MAOB: variants seen among roughly 807,000 people sequenced by gnomAD.
MAOB encodes the protein amine oxidase [flavin-containing] B.
MAOB carries 15 observed loss-of-function variants against 41.9 expected under a neutral mutation model. The observed-to-expected ratio is 0.36, with a 90% CI of 0.24 to 0.55. MAOB has a LOEUF of 0.55. Ranked by LOEUF, MAOB falls within the 20% of genes least tolerant of loss-of-function variation. The pLI, the probability that MAOB is intolerant of heterozygous loss-of-function variation, is 0.86. For missense variants in MAOB, 345 were observed against 398.7 expected, an observed-to-expected ratio of 0.87 and a Z score of 1.15; for synonymous variants, 167 against 144.2, an observed-to-expected ratio of 1.16 and a Z score of -1.13.
intron 1 of MAOB, 96 bp from the exon 2 acceptor site, chrX:43,843,860 A>C: frequency 9.0e-7 from 1 of 1,111,107 alleles, no homozygotes; most frequent in Non-Finnish European, 1.2e-6. Flanking sequence ...ATGCTGGCTC[A>C]CGTGCACCGC....
At position 43,767,613 on chromosome X, in the gene MAOB, G is replaced by A; in HGVS notation, c.1416C>T (p.Val472=). Residue 472 remains valine, a synonymous_variant, in exon 15 of 15, where the codon GTC becomes GTT. Coordinates refer to ENST00000378069, the MANE Select transcript of MAOB (RefSeq NM_000898.5). The part of the protein sequence containing the change: ...IWQSEPESVD[V]PAQPITTTFL... Reference sequence around the variant, plus strand: ...AGGTGGTGGTGATGGGCTGTGCAGGGACATCCTAGGTTCAGAAAACATTGG... The same window carrying A: ...AGGTGGTGGTGATGGGCTGTGCAGGAACATCCTAGGTTCAGAAAACATTGG... 2 of 1,206,758 alleles carry A rather than the reference G, an allele frequency of 1.7e-6. No individual in the cohort carries two copies. The highest frequency in any genetic ancestry group is 3.0e-5 in the East Asian group (1 of 33,697).
At chrX:43,821,987 A>T (rs192136475) in intron 3 of MAOB, among the ~76,000 whole-genome samples, 1 of 112,194 alleles carries the variant, frequency 8.9e-6, no homozygotes, top group East Asian at 2.8e-4. Flanking sequence ...AAGCCCCAGG[A>T]GTGTAACAGA....
chrX:43,780,473 T>C, intron 9 of MAOB, 78 bp from the exon 10 acceptor site: 1 of 707,331 alleles, frequency 1.4e-6, no homozygotes, highest in Non-Finnish European at 2.2e-6. Context: ...GCTACACATG[T>C]GCCCAGTTTA....
chrX:43,823,217 G>A, intron 3 of MAOB, among the ~76,000 whole-genome samples: 1 of 90,414 alleles, frequency 1.1e-5, no homozygotes, highest in Admixed American at 1.4e-4. Context: ...CTGTCACCCA[G>A]GCTGGAGTGC....
chrX:43,810,175 G>A (rs902559545), intron 3 of MAOB, among the ~76,000 whole-genome samples: 6 of 96,554 alleles, frequency 6.2e-5, no homozygotes, highest in African/African-American at 1.2e-4. Context: ...CCCAGGAGGC[G>A]GAGCTTGCAG....
At chrX:43,777,691 T>C (rs138309377) in intron 11 of MAOB, among the ~76,000 whole-genome samples, 2 of 112,085 alleles carry the variant, frequency 1.8e-5, no homozygotes, top group African/African-American at 6.5e-5. Context: ...GATTGTGGTA[T>C]ATACTACAGA....
intron 8 of MAOB, among the ~76,000 whole-genome samples, chrX:43,792,098 A>G (rs1451441652): frequency 8.9e-6 from 1 of 112,531 alleles, no homozygotes; most frequent in East Asian, 2.8e-4. Context: ...AGAAAAGATT[A>G]CTCATCTCTT....
intron 6 of MAOB, among the ~76,000 whole-genome samples, chrX:43,796,329 C>T (rs187484800): frequency 4.6e-4 from 51 of 111,492 alleles, no homozygotes; most frequent in Non-Finnish European, 1.3e-4. Context: ...ATGTCCCCTT[C>T]CCCCAGGCCA....
intron 3 of MAOB, among the ~76,000 whole-genome samples, chrX:43,827,811 G>A (rs1325258692): frequency 8.9e-6 from 1 of 111,789 alleles, no homozygotes; most frequent in Non-Finnish European, 1.9e-5. Flanking sequence ...ATATCATTTA[G>A]GTACTTGGAG....
In MAOB at chrX:43,768,418, C is replaced by T. The variant is rs190613123; in HGVS notation, c.1410+236G>A. Among the ~76,000 whole-genome samples, 4 of 110,776 alleles carry T rather than the reference C, an allele frequency of 3.6e-5. No homozygotes were observed. The East Asian group carries it at 1.1e-3, about 31-fold the overall frequency. ...CTCCGAGAAATGTCTCCCTCCTCAT[C>T]AAAAAATATTTTTTCCTAATAATCT... is the stretch of plus-strand genomic sequence containing the variant. On this transcript the variant is annotated intron_variant, in intron 14 of 14. Coordinates refer to ENST00000378069, the MANE Select transcript of MAOB (RefSeq NM_000898.5).
intron 3 of MAOB, among the ~76,000 whole-genome samples, chrX:43,835,170 A>C (rs1463306909): frequency 8.9e-6 from 1 of 112,696 alleles, no homozygotes; most frequent in African/African-American, 3.2e-5. Flanking sequence ...AAGAGAAAGA[A>C]ACATAAGTCA....
In MAOB at chrX:43,780,982, C is replaced by T. The variant is rs767879904; in HGVS notation, c.1025+466G>A. 7.2e-5 allele frequency among the ~76,000 whole-genome samples: 8 copies of T among 111,451 alleles called. No homozygotes were observed. In the South Asian group the frequency reaches 3.1e-3, roughly 43 times the overall value. ...CTCTGGGCCAGGATATCCTGGTCTT[C>T]CCTTCCCACGTGCTGGTCGTCCCTG... On this transcript the variant is annotated intron_variant, in intron 9 of 14. Transcript: ENST00000378069.
intron 8 of MAOB, among the ~76,000 whole-genome samples, chrX:43,785,221 G>A (rs2034384646): frequency 1.8e-5 from 2 of 113,096 alleles, no homozygotes; most frequent in African/African-American, 6.4e-5. Flanking sequence ...AGAACTTCTG[G>A]ATAACTTGCT....
At chrX:43,794,541 T>G (rs1183394028) in intron 7 of MAOB, among the ~76,000 whole-genome samples, 1 of 110,949 alleles carries the variant, frequency 9.0e-6, no homozygotes, top group East Asian at 2.9e-4. Context: ...TCTGTTTTGT[T>G]CACGACTGTG....
In MAOB at chrX:43,882,275, C is replaced by A; in HGVS notation, c.25G>T (p.Val9Leu). The change falls in exon 1 of 15, where the codon GTG becomes TTG. Residue 9 changes from valine (V) to leucine (L), a missense_variant. Physicochemically the swap from Val to Leu is conservative, Grantham distance 32 (BLOSUM62 1). Transcript: ENST00000378069. MSNKCDVV[V>L]VGGGISGMAA... ...TAACCTGAGATGCCGCCCCCCACCA[C>A]GACCACGTCGCATTTGTTGCTCATG... 1 of 1,209,806 alleles carries A rather than the reference C, an allele frequency of 8.3e-7. No individual in the cohort carries two copies. The highest frequency in any genetic ancestry group is 1.1e-6 in the Non-Finnish European group (1 of 894,697).
At chrX:43,856,081 G>A (rs753332136) in intron 1 of MAOB, among the ~76,000 whole-genome samples, 10 of 111,643 alleles carry the variant, frequency 9.0e-5, no homozygotes, top group South Asian at 3.8e-4. Context: ...TTTAAGCAGC[G>A]TTCAACTTTT....
At chrX:43,805,542 C>T (rs761685093) in intron 3 of MAOB, among the ~76,000 whole-genome samples, 6 of 111,729 alleles carry the variant, frequency 5.4e-5, no homozygotes, top group Non-Finnish European at 1.1e-4. Flanking sequence ...TTTTAATGGA[C>T]TCATACAAGA....
At chrX:43,771,184 A>T (rs1332329713) in intron 12 of MAOB, among the ~76,000 whole-genome samples, 1 of 112,291 alleles carries the variant, frequency 8.9e-6, no homozygotes, top group Non-Finnish European at 1.9e-5. Context: ...TAACTTTATG[A>T]TGGTGTTAAA....
intron 3 of MAOB, among the ~76,000 whole-genome samples, chrX:43,814,374 C>T (rs779699403): frequency 8.9e-6 from 1 of 111,912 alleles, no homozygotes; most frequent in Non-Finnish European, 1.9e-5. Flanking sequence ...TGCATCTTTC[C>T]TCAAAGGCTT....
Sources: gnomAD v4.1 joint callset for allele counts (sites outside exome capture counted in the v4.1 genomes callset) on GRCh38, gnomAD v4.1.1 for gene constraint, MANE v1.5 for transcripts, NCBI Gene and HGNC (gene_info 2026-07-23, HGNC 2026-07-21) for gene names.